THADA: variants seen among roughly 807,000 people sequenced by gnomAD.
THADA encodes THADA armadillo repeat containing.
THADA carries 213 observed loss-of-function variants against 219.8 expected under a neutral mutation model. The ratio of observed to expected loss-of-function variants is 0.97; its 90% CI spans 0.87 to 1.09. The LOEUF (loss-of-function observed/expected upper bound fraction) is 1.09. Ranked by LOEUF, THADA falls within the 50% of genes least tolerant of loss-of-function variation. The probability of loss-of-function intolerance (pLI) is 0.00; values close to 1 mark genes in which losing one functional copy is unlikely to be tolerated. For missense variants in THADA, 2,956 were observed against 2,311.3 expected (o/e 1.28, Z -5.72); for synonymous variants, 1,018 against 828.9 (o/e 1.23, Z -3.92).
Position 43,232,464 on chromosome 2 carries a change from C to T in THADA, c.5466+249G>A, listed in dbSNP as rs192856891. On this transcript the variant is annotated intron_variant, in intron 37 of 37. Transcript: ENST00000405975. ...AAGTGCTGGGATTACAAGCATGAGC[C>T]GCTGTGCCCGGCCAGGGGCTTCTTT... 3.9e-3 allele frequency among the ~76,000 whole-genome samples: 597 copies of T among 152,168 alleles called. 4 individuals are homozygous for T. The highest frequency in any genetic ancestry group is 0.012 in the African/African-American group (502 of 41,496).
At chr2:43,422,597 G>T (rs892906724) in intron 28 of THADA, among the ~76,000 whole-genome samples, 1 of 152,174 alleles carries the variant, frequency 6.6e-6, no homozygotes, top group African/African-American at 2.4e-5. Flanking sequence ...CACAAAAACT[G>T]CTATGAAGCC....
intron 30 of THADA, among the ~76,000 whole-genome samples, chr2:43,334,861 T>C (rs6727237): frequency 0.27 from 41,157 of 151,714 alleles, 6,367 homozygotes; most frequent in African/African-American, 0.42. Flanking sequence ...GGAGTATGGA[T>C]TTCCCATAGA....
rs763362012 is a variant in THADA, at chr2:43,592,316, C to T, written c.76+1G>A. 7 of 1,599,432 alleles carry T rather than the reference C, an allele frequency of 4.4e-6. No individual in the cohort carries two copies. Among genetic ancestry groups the T allele is most frequent in the Non-Finnish European group, 6.0e-6 (7 of 1,173,294 alleles). ...AATAAGGGAAACCAGAAGTCACCTA[C>T]ATTTCAAAGTTTCAAGGTCCTGATG... On this transcript the variant is annotated splice_donor_variant, in intron 2 of 37. Coordinates refer to ENST00000405975, the MANE Select transcript of THADA (RefSeq NM_022065.5). LOFTEE classifies it high-confidence loss of function.
chr2:43,527,938 G>A lies in THADA; in HGVS notation c.3315C>T (p.His1105=). 2.5e-6 allele frequency: 4 copies of A among 1,613,544 alleles called. No individual in the cohort carries two copies. Among genetic ancestry groups the A allele is most frequent in the Non-Finnish European group, 3.4e-6 (4 of 1,179,702 alleles). ...YFKQHLLQSR[H]RGAFELAYTG... ...TATAAGCCAATTCAAATGCTCCTCTGTGCCTGGACTGCAAAAGGTGTTGTT... is the reference window on the plus strand; with the variant it reads ...TATAAGCCAATTCAAATGCTCCTCTATGCCTGGACTGCAAAAGGTGTTGTT... Residue 1105 remains histidine, a synonymous_variant, in exon 22 of 38, where the codon CAC becomes CAT. Transcript: ENST00000405975.
At chr2:43,535,979 T>C (rs1306768779) in intron 21 of THADA, among the ~76,000 whole-genome samples, 2 of 152,082 alleles carry the variant, frequency 1.3e-5, no homozygotes. Context: ...AATTTTTGTA[T>C]TTTTAATAGA....
intron 26 of THADA, among the ~76,000 whole-genome samples, chr2:43,442,709 G>C (rs568108925): frequency 2.6e-5 from 4 of 152,108 alleles, no homozygotes; most frequent in African/African-American, 9.7e-5. Flanking sequence ...AGATGGACTA[G>C]GCTAGAGAGT....
At chr2:43,399,562 T>A (rs936099914) in intron 28 of THADA, among the ~76,000 whole-genome samples, 7 of 151,870 alleles carry the variant, frequency 4.6e-5, no homozygotes, top group African/African-American at 1.7e-4. Context: ...AAGTATGGGG[T>A]GTTTAAAAAA....
At chr2:43,267,009 A>G (rs1224857188) in intron 36 of THADA, among the ~76,000 whole-genome samples, 1 of 152,140 alleles carries the variant, frequency 6.6e-6, no homozygotes, top group African/African-American at 2.4e-5. Flanking sequence ...CTTCAATTAA[A>G]AAGCTATCTT....
At chr2:43,570,227 G>A (rs1699140733) in intron 14 of THADA, among the ~76,000 whole-genome samples, 161 bp downstream of exon 14, 1 of 152,058 alleles carries the variant, frequency 6.6e-6, no homozygotes, top group Admixed American at 6.6e-5. Flanking sequence ...GCTACATCAA[G>A]TAGAGTACCA....
At chr2:43,243,129 T>G (rs946309726) in intron 36 of THADA, among the ~76,000 whole-genome samples, 18 of 152,140 alleles carry the variant, frequency 1.2e-4, no homozygotes, top group African/African-American at 4.3e-4. Flanking sequence ...GCTGGGCAGC[T>G]CCTCCTCCCT....
At chr2:43,528,127 T>C (rs1250585927) in intron 21 of THADA, 139 bp from the exon 22 acceptor site, 1 of 107,702 alleles carries the variant, frequency 9.3e-6, no homozygotes, top group African/African-American at 5.4e-5. Context: ...TGTTTTAAGC[T>C]TTTTTTTTTT....
At chr2:43,300,033 C>CAAAAA (rs538753350) in intron 31 of THADA, among the ~76,000 whole-genome samples, 1 of 83,606 alleles carries the variant, frequency 1.2e-5, no homozygotes, top group Non-Finnish European at 2.6e-5. Context: ...TGTCTCAAGG[C>CAAAAA]AAAAAAAAAA....
At chr2:43,240,421 C>A (rs1668500290) in intron 36 of THADA, among the ~76,000 whole-genome samples, 1 of 152,188 alleles carries the variant, frequency 6.6e-6, no homozygotes, top group African/African-American at 2.4e-5. Flanking sequence ...AGGGGAAGAG[C>A]CTGAACTTTA....
intron 37 of THADA, among the ~76,000 whole-genome samples, chr2:43,232,430 G>A (rs546913076): frequency 4.2e-3 from 645 of 152,092 alleles, no homozygotes; most frequent in Admixed American, 6.8e-3. Context: ...CGCCTGCCTT[G>A]GCCTCCCAAA....
At position 43,249,687 on chromosome 2, in the gene THADA, T is replaced by C. The variant is rs574462208; in HGVS notation, c.5297-16805A>G. 1.1e-4 allele frequency among the ~76,000 whole-genome samples: 17 copies of C among 152,332 alleles called. 1 individual carries two copies. In the South Asian group the frequency reaches 3.5e-3, roughly 32 times the overall value. On this transcript the variant is annotated intron_variant, in intron 36 of 37. Coordinates refer to ENST00000405975, the MANE Select transcript of THADA (RefSeq NM_022065.5). ...AGCCATGGGTATTTTAGGCTTACAA[T>C]TTCCTTCATTCTGGGTGGCTGAGTC...
intron 26 of THADA, among the ~76,000 whole-genome samples, chr2:43,455,375 T>G (rs1682859255): frequency 6.7e-6 from 1 of 149,516 alleles, no homozygotes; most frequent in Admixed American, 6.6e-5. Context: ...ATTCCCGTTT[T>G]TAAAAAATCT....
chr2:43,568,563 T>G (rs1388438021), intron 14 of THADA, among the ~76,000 whole-genome samples: 1 of 152,192 alleles, frequency 6.6e-6, no homozygotes, highest in African/African-American at 2.4e-5. Context: ...CAAGAAACCA[T>G]GCATACATGA....
At chr2:43,442,584 C>G (rs1013635227) in intron 26 of THADA, among the ~76,000 whole-genome samples, 86 of 152,094 alleles carry the variant, frequency 5.7e-4, no homozygotes, top group Non-Finnish European at 3.5e-4. Context: ...AAAGAAGGTA[C>G]AAAAATTTTT....
At chr2:43,286,801 G>A (rs761883915) in intron 35 of THADA, 107 bp downstream of exon 35, 129 of 1,257,930 alleles carry the variant, frequency 1.0e-4, no homozygotes, top group Non-Finnish European at 1.4e-4. Context: ...AAGACATAAA[G>A]GCAGGTGTCA....
Sources: allele counts gnomAD v4.1 joint callset (sites outside exome capture counted in the v4.1 genomes callset), GRCh38; gene constraint gnomAD v4.1.1; transcripts MANE v1.5; gene names NCBI Gene and HGNC (gene_info 2026-07-23, HGNC 2026-07-21).